The following SH3D19 variants were observed in gnomAD, a reference collection of about 807,000 sequenced individuals.
SH3D19 encodes SH3 domain containing 19.
In SH3D19, 58 loss-of-function variants were observed where a neutral mutation model predicts 112.1. The observed-to-expected ratio is 0.52, with a 90% confidence interval of 0.42 to 0.64. The LOEUF (loss-of-function observed/expected upper bound fraction) is 0.64. Among genes scored for constraint, SH3D19 ranks in the 30% least tolerant of loss-of-function variants. The pLI is 0.00. For synonymous variants in SH3D19, 391 were observed against 448.5 expected (o/e 0.87, Z 1.62); for missense variants, 1,090 against 1,263.4 (o/e 0.86, Z 2.08).
intron 1 of SH3D19, chr4:151,228,033 C>T (rs1769265187): frequency 2.0e-6 from 2 of 985,418 alleles, no homozygotes; most frequent in Non-Finnish European, 2.4e-6. Context: ...AAATGGCTCA[C>T]AGCTCTCCTT....
chr4:151,302,176 C>T (rs1343786587), intron 1 of SH3D19, among the ~76,000 whole-genome samples: 4 of 152,182 alleles, frequency 2.6e-5, no homozygotes, highest in Non-Finnish European at 5.9e-5. Context: ...TCGTTATAAA[C>T]ACTGGTACAT....
intron 1 of SH3D19, among the ~76,000 whole-genome samples, chr4:151,281,107 C>CA (rs1413923762): frequency 1.4e-5 from 2 of 138,530 alleles, no homozygotes; most frequent in East Asian, 4.2e-4. Context: ...AAGAAAGTGC[C>CA]AAGATGATGG....
At chr4:151,234,766 T>TTTTTTTTTTTG (rs374882479) in intron 1 of SH3D19, among the ~76,000 whole-genome samples, 2 of 87,162 alleles carry the variant, frequency 2.3e-5, no homozygotes, top group African/African-American at 1.0e-4. Flanking sequence ...TTTTTTTTTT[T>TTTTTTTTTTTG]AGACAGGGGC....
chr4:151,176,932 G>A lies in SH3D19; in HGVS notation c.260C>T (p.Ala87Val). ...CGAGGCTGGCCTCAGTGGCTCAGCT[G>A]CCACAATGGTGATCTCTGGGCGCCT... ...DRRRPEITIV[A>V]AEPLRPASWF... Residue 87 changes from alanine (A) to valine (V), a missense_variant, in exon 5 of 20, where the codon GCA (alanine) becomes GTA (valine). By Grantham distance (64) the Ala-to-Val change is moderately conservative (BLOSUM62 0). Transcript: ENST00000604030. 1 of 1,232,240 alleles carries A rather than the reference G, an allele frequency of 8.1e-7. No homozygotes were observed. Among genetic ancestry groups the A allele is most frequent in the Non-Finnish European group, 1.0e-6 (1 of 987,992 alleles). The allele number at this position is 1,232,240 out of a possible 1,614,324, so 76.3% of individuals were successfully genotyped here.
chr4:151,144,396 G>T, intron 11 of SH3D19: 1 of 939,160 alleles, frequency 1.1e-6, no homozygotes, highest in Non-Finnish European at 1.7e-6. Flanking sequence ...ACCTTCTCCA[G>T]CAGCTAAACT....
chr4:151,254,780 T>A (rs1466552688), intron 1 of SH3D19, among the ~76,000 whole-genome samples: 1 of 151,444 alleles, frequency 6.6e-6, no homozygotes, highest in Non-Finnish European at 1.5e-5. Context: ...CTTTCCCGCC[T>A]TTCTATTCCA....
At chr4:151,140,122 G>T (rs1301360529) in intron 12 of SH3D19, 1 of 362,792 alleles carries the variant, frequency 2.8e-6, no homozygotes, top group East Asian at 5.3e-5. Flanking sequence ...AAAACAAAAG[G>T]GAACTGTTTA....
Position 151,122,937 on chromosome 4 carries a change from T to C in SH3D19, c.3028-730A>G, listed in dbSNP as rs190504586. 1.5e-3 allele frequency among the ~76,000 whole-genome samples: 226 copies of C among 149,066 alleles called. 1 individual carries two copies. The highest frequency in any genetic ancestry group is 5.4e-3 in the African/African-American group (219 of 40,568). On this transcript the variant is annotated intron_variant, in intron 19 of 19. Transcript: ENST00000604030. ...TGCAATCTCGGCTCACTGCAACCTC[T>C]GCCTCCCGGGTTCAAACAATTCTCC...
chr4:151,297,580 G>A (rs1290424552), intron 1 of SH3D19, among the ~76,000 whole-genome samples: 2 of 152,140 alleles, frequency 1.3e-5, no homozygotes, highest in African/African-American at 4.8e-5. Context: ...TTAATGAATT[G>A]GATGTAGATG....
chr4:151,295,017 G>A (rs1029355847), intron 1 of SH3D19, among the ~76,000 whole-genome samples: 14 of 152,184 alleles, frequency 9.2e-5, no homozygotes, highest in Admixed American at 2.6e-4. Flanking sequence ...GTGGGTGTGA[G>A]GAAGAACAGG....
At chr4:151,278,178 A>C (rs560258394) in intron 1 of SH3D19, among the ~76,000 whole-genome samples, 159 of 152,226 alleles carry the variant, frequency 1.0e-3, no homozygotes, top group Non-Finnish European at 1.8e-3. Flanking sequence ...CCTCAACCGC[A>C]TCTGAGGGCA....
In SH3D19 at chr4:151,264,172, T is replaced by A. The variant is rs551641847; in HGVS notation, c.113-38086A>T. Among the ~76,000 whole-genome samples, 151 of 152,146 alleles carry A rather than the reference T, an allele frequency of 9.9e-4. 1 individual carries two copies. The highest frequency in any genetic ancestry group is 3.6e-3 in the African/African-American group (148 of 41,514). Reference sequence around the variant, plus strand: ...AGCTGGGTGTAGTGGCTCACTCACGTCTGTAATCCCAGCTTTGGGAGGCTG... The same window carrying A: ...AGCTGGGTGTAGTGGCTCACTCACGACTGTAATCCCAGCTTTGGGAGGCTG... On this transcript the variant is annotated intron_variant, in intron 1 of 19. Transcript: ENST00000604030.
At chr4:151,186,967 G>T (rs191745879) in intron 3 of SH3D19, among the ~76,000 whole-genome samples, 31 of 151,360 alleles carry the variant, frequency 2.0e-4, no homozygotes, top group South Asian at 6.3e-4. Context: ...GCTAATTTTT[G>T]GTATTTTTAG....
intron 1 of SH3D19, among the ~76,000 whole-genome samples, chr4:151,298,212 G>C (rs1775836526): frequency 8.0e-6 from 1 of 124,400 alleles, no homozygotes; most frequent in Admixed American, 9.9e-5. Flanking sequence ...TTTTGAGACG[G>C]AGTCTCGCTC....
At chr4:151,322,393 A>T (rs1457403778) in intron 1 of SH3D19, among the ~76,000 whole-genome samples, 1 of 146,792 alleles carries the variant, frequency 6.8e-6, no homozygotes, top group Non-Finnish European at 1.5e-5. Context: ...TGACCACGCC[A>T]CTAGACTCCA....
At chr4:151,204,283 C>T (rs1478829925) in intron 2 of SH3D19, among the ~76,000 whole-genome samples, 1 of 152,100 alleles carries the variant, frequency 6.6e-6, no homozygotes, top group Non-Finnish European at 1.5e-5. Context: ...ACAAGTAGGC[C>T]CATTCACAGG....
chr4:151,270,931 T>G (rs1021910154), intron 1 of SH3D19, among the ~76,000 whole-genome samples: 7 of 152,118 alleles, frequency 4.6e-5, no homozygotes, highest in Admixed American at 1.3e-4. Context: ...AGTCAATTAT[T>G]CTTTTTTTTG....
intron 8 of SH3D19, among the ~76,000 whole-genome samples, chr4:151,160,902 T>A (rs994417546): frequency 2.6e-5 from 4 of 152,256 alleles, no homozygotes; most frequent in Admixed American, 1.3e-4. Flanking sequence ...AAGACATATA[T>A]AATAAAAACA....
chr4:151,278,987 C>T, intron 1 of SH3D19: 1 of 249,202 alleles, frequency 4.0e-6, no homozygotes, highest in Non-Finnish European at 8.0e-6. Flanking sequence ...TGCAAATATT[C>T]ACTGAGAACC....
Sources: gnomAD v4.1 joint callset for allele counts (sites outside exome capture counted in the v4.1 genomes callset) on GRCh38, gnomAD v4.1.1 for gene constraint, MANE v1.5 for transcripts, NCBI Gene and HGNC (gene_info 2026-07-23, HGNC 2026-07-21) for gene names.